Variants in NUP93 observed in about 807,000 individuals in gnomAD.
NUP93 encodes nucleoporin 93, also known as nuclear pore complex protein Nup93.
A neutral mutation model predicts 107.8 loss-of-function variants in NUP93; 55 were observed. The ratio of observed to expected loss-of-function variants is 0.51; its 90% CI spans 0.41 to 0.64. The LOEUF (loss-of-function observed/expected upper bound fraction) is 0.64. Among genes scored for constraint, NUP93 ranks in the 30% least tolerant of loss-of-function variants. NUP93 has a pLI of 0.00. For missense variants in NUP93, 937 were observed against 1,044.7 expected (o/e 0.90, Z 1.42); for synonymous variants, 390 against 397.5 (o/e 0.98, Z 0.22).
chr16:56,775,807 C>T (rs1269137132), intron 3 of NUP93, among the ~76,000 whole-genome samples: 2 of 152,100 alleles, frequency 1.3e-5, no homozygotes, highest in Non-Finnish European at 2.9e-5. Flanking sequence ...TTTTATAGGG[C>T]CCCATAGACA....
At chr16:56,751,330 A>G (rs1961915370) in intron 2 of NUP93, among the ~76,000 whole-genome samples, 2 of 152,210 alleles carry the variant, frequency 1.3e-5, no homozygotes, top group Admixed American at 6.5e-5. Flanking sequence ...AGCAGATTAT[A>G]ACTCTCCTTG....
chr16:56,772,119 T>C (rs1313932171), intron 3 of NUP93, among the ~76,000 whole-genome samples: 3 of 152,196 alleles, frequency 2.0e-5, no homozygotes, highest in African/African-American at 7.2e-5. Flanking sequence ...CCTCAGCCTT[T>C]TTAGACTGGC....
At chr16:56,773,886 G>A (rs1962365783) in intron 3 of NUP93, among the ~76,000 whole-genome samples, 1 of 152,126 alleles carries the variant, frequency 6.6e-6, no homozygotes, top group Non-Finnish European at 1.5e-5. Flanking sequence ...AAGTGTTTGA[G>A]TCCATAAAGA....
intron 2 of NUP93, among the ~76,000 whole-genome samples, chr16:56,752,533 A>G (rs1297100776): frequency 3.9e-5 from 6 of 152,186 alleles, no homozygotes; most frequent in African/African-American, 1.4e-4. Context: ...AAGACATTCC[A>G]TGTTCATGGA....
rs1453351430 is a variant in NUP93, at chr16:56,848,869, T to C, written c.*4260T>C. 1 of 152,216 alleles carries C rather than the reference T, an allele frequency of 6.6e-6. No homozygotes were observed. Among genetic ancestry groups the C allele is most frequent in the African/African-American group, 2.4e-5 (1 of 41,458 alleles). 9.4% of individuals were successfully genotyped at this position (152,216 alleles called of 1,614,324 possible). ...GTTCCCAGAGTTGTGCATAATTCTT[T>C]AAAAGTAGGCTCGTTTTTTTCGTTT... On this transcript the variant is annotated 3_prime_UTR_variant, in exon 22 of 22. Coordinates refer to ENST00000308159, the MANE Select transcript of NUP93 (RefSeq NM_014669.5).
At chr16:56,745,665 G>A (rs1013112074) in intron 1 of NUP93, among the ~76,000 whole-genome samples, 7 of 152,148 alleles carry the variant, frequency 4.6e-5, no homozygotes, top group Non-Finnish European at 7.3e-5. Context: ...GGGCCATCAT[G>A]GGTTTTGGTC....
At chr16:56,762,429 TAA>T in intron 3 of NUP93, among the ~76,000 whole-genome samples, 1 of 152,292 alleles carries the variant, frequency 6.6e-6, no homozygotes, top group South Asian at 2.1e-4. Context: ...TCAAAATAAC[TAA>T]GAGTGGAATT....
At chr16:56,838,915 AC>A in intron 18 of NUP93, 36 bp from the exon 19 acceptor site, 1 of 1,403,926 alleles carries the variant, frequency 7.1e-7, no homozygotes, top group South Asian at 1.2e-5. Flanking sequence ...AATTCCTGAT[AC>A]ACTCTTACTA....
At chr16:56,746,173 G>A (rs1961817665) in intron 1 of NUP93, among the ~76,000 whole-genome samples, 1 of 152,064 alleles carries the variant, frequency 6.6e-6, no homozygotes. Flanking sequence ...GGGTGGGGTG[G>A]GGTTCTGGAG....
intron 6 of NUP93, among the ~76,000 whole-genome samples, chr16:56,820,166 T>C (rs1467123497): frequency 1.3e-5 from 2 of 152,220 alleles, no homozygotes; most frequent in South Asian, 2.1e-4. Flanking sequence ...CACCGTAATA[T>C]TGTGTCTGTT....
At chr16:56,744,427 G>T (rs1263183851) in intron 1 of NUP93, among the ~76,000 whole-genome samples, 2 of 152,138 alleles carry the variant, frequency 1.3e-5, no homozygotes, top group African/African-American at 4.8e-5. Context: ...GCAGTGGGAT[G>T]ATTAATATAT....
chr16:56,799,645 A>G (rs867462744), intron 4 of NUP93, among the ~76,000 whole-genome samples: 50 of 152,178 alleles, frequency 3.3e-4, no homozygotes, highest in Admixed American at 3.3e-4. Flanking sequence ...TTGAAGTGAC[A>G]CCTCTGTTTT....
rs530448301 is a variant in NUP93, at chr16:56,752,310, T to C, written c.179+3884T>C. Among the ~76,000 whole-genome samples, 106 of 152,228 alleles carry C rather than the reference T, an allele frequency of 7.0e-4. 1 individual carries two copies. Among genetic ancestry groups the C allele is most frequent in the African/African-American group, 2.5e-3 (103 of 41,536 alleles). ...ACAGGGATATTCATTACAGCATTAT[T>C]TGTAATAGCAAAAATTGAAAACAAA... On this transcript the variant is annotated intron_variant, in intron 2 of 21. Coordinates refer to ENST00000308159, the MANE Select transcript of NUP93 (RefSeq NM_014669.5).
intron 1 of NUP93, among the ~76,000 whole-genome samples, chr16:56,742,744 C>T (rs961501254): frequency 1.6e-4 from 25 of 152,286 alleles, no homozygotes; most frequent in African/African-American, 5.5e-4. Flanking sequence ...CCCTTTGTAG[C>T]TTTGGTGCTT....
intron 3 of NUP93, among the ~76,000 whole-genome samples, chr16:56,770,682 C>T (rs1336824555): frequency 1.3e-5 from 2 of 152,046 alleles, no homozygotes; most frequent in African/African-American, 4.8e-5. Context: ...AAACGGTAGC[C>T]ATCTTTTGTT....
At chr16:56,813,779 C>T (rs1397047540) in intron 5 of NUP93, among the ~76,000 whole-genome samples, 1 of 152,130 alleles carries the variant, frequency 6.6e-6, no homozygotes, top group Non-Finnish European at 1.5e-5. Context: ...TTTTGTTTTA[C>T]ATATTTTACA....
intron 3 of NUP93, among the ~76,000 whole-genome samples, chr16:56,779,778 T>G (rs1457006269): frequency 6.6e-6 from 1 of 152,210 alleles, no homozygotes; most frequent in African/African-American, 2.4e-5. Context: ...TTGGCAATAC[T>G]AAAGAGGAAA....
At chr16:56,821,446 G>A in intron 6 of NUP93, 58 bp from the exon 7 acceptor site, 1 of 1,234,738 alleles carries the variant, frequency 8.1e-7, no homozygotes, top group South Asian at 1.2e-5. Context: ...GCTTCAGGAG[G>A]TTTAAAAAGA....
chr16:56,764,986 G>C (rs1962192094), intron 3 of NUP93, among the ~76,000 whole-genome samples: 1 of 152,254 alleles, frequency 6.6e-6, no homozygotes, highest in African/African-American at 2.4e-5. Context: ...AGGAAGAGAT[G>C]AAGTCCTTAA....
Sources: allele counts gnomAD v4.1 joint callset (sites outside exome capture counted in the v4.1 genomes callset), GRCh38; gene constraint gnomAD v4.1.1; transcripts MANE v1.5; gene names NCBI Gene and HGNC (gene_info 2026-07-23, HGNC 2026-07-21).